Variants in TENM2 observed in about 807,000 individuals in gnomAD.
TENM2 encodes the protein teneurin transmembrane protein 2.
Under a neutral mutation model 245.2 loss-of-function variants are expected in TENM2, and 52 were observed. The ratio of observed to expected loss-of-function variants is 0.21; its 90% CI spans 0.17 to 0.27. The LOEUF (loss-of-function observed/expected upper bound fraction) is 0.27, where lower values mean the gene tolerates loss of function less well. Among genes scored for constraint, TENM2 ranks in the 10% least tolerant of loss-of-function variants. The pLI, the probability that TENM2 is intolerant of heterozygous loss-of-function variation, is 1.00. For missense variants in TENM2, 3,046 were observed against 3,666.8 expected (o/e 0.83, Z 4.37); for synonymous variants, 1,363 against 1,438.9 (o/e 0.95, Z 1.19).
At chr5:167,123,353 A>G in the TENM2 span, among the ~76,000 whole-genome samples, 1 of 152,072 alleles carries the variant, frequency 6.6e-6, no homozygotes, top group Non-Finnish European at 1.5e-5. Flanking sequence ...AAAAGAAAAC[A>G]ACAAAACCAC....
At chr5:167,810,524 T>C (rs1309969161) in intron 2 of TENM2, among the ~76,000 whole-genome samples, 1 of 151,930 alleles carries the variant, frequency 6.6e-6, no homozygotes, top group Non-Finnish European at 1.5e-5. Flanking sequence ...GTCATTTTCA[T>C]AGCTGTGAAG....
At chr5:167,287,481 C>T (rs1462505546) in intron 1 of TENM2, 1 of 152,202 alleles carries the variant, frequency 6.6e-6, no homozygotes, top group East Asian at 1.9e-4. Flanking sequence ...AAAACAAACA[C>T]ACTTCTCACA....
intron 2 of TENM2, among the ~76,000 whole-genome samples, chr5:167,572,793 A>G (rs973233804): frequency 1.3e-5 from 2 of 152,228 alleles, no homozygotes; most frequent in African/African-American, 4.8e-5. Context: ...AAAATGGTAC[A>G]GGAAGGGAGA....
rs141367987 is a variant in TENM2 at position 167,348,842 on chromosome 5, A to G, written c.227-26356A>G. ...CCTTCTTGGCATCGTCAGATTTCCT[A>G]TCTTCTTTCAGTTCGTGATCTCAGA... On this transcript the variant is annotated intron_variant, in intron 1 of 28. Coordinates refer to ENST00000518659, the Ensembl canonical transcript of TENM2. Among the ~76,000 whole-genome samples, 441 of 152,264 alleles carry G rather than the reference A, an allele frequency of 2.9e-3. 1 individual carries two copies. Among genetic ancestry groups the G allele is most frequent in the African/African-American group, 0.01 (426 of 41,548 alleles).
chr5:168,193,427 C>T (rs762396299), intron 14 of TENM2, among the ~76,000 whole-genome samples: 152 of 152,054 alleles, frequency 1.0e-3, no homozygotes, highest in Non-Finnish European at 1.8e-3. Context: ...CTAGATAATG[C>T]GATAATTGTT....
chr5:167,378,864 CTTTTT>C (rs35919553), intron 2 of TENM2, among the ~76,000 whole-genome samples: 1 of 136,212 alleles, frequency 7.3e-6, no homozygotes, highest in Non-Finnish European at 1.6e-5. Context: ...TAAAAATTTC[CTTTTT>C]TTTTTTTTTT....
In TENM2 at chr5:168,217,011, A is replaced by G; in HGVS notation, c.4233+89A>G. 4 of 1,426,470 alleles carry G rather than the reference A, an allele frequency of 2.8e-6. No individual in the cohort carries two copies. The South Asian group carries it at 3.6e-5, about 13-fold the overall frequency. The allele number at this position is 1,426,470 out of a possible 1,614,324, so 88.4% of individuals were successfully genotyped here. On this transcript the variant is annotated intron_variant, in intron 22 of 28. Transcript: ENST00000518659. The stretch of plus-strand genomic sequence containing the variant: ...TGTTTCCTGTTTGGTTTGGAAGTGG[A>G]ATGGGAGGGAGAGATACAGATACAG...
intron 2 of TENM2, among the ~76,000 whole-genome samples, chr5:167,855,442 G>A (rs760058969): frequency 2.6e-5 from 4 of 151,764 alleles, no homozygotes; most frequent in African/African-American, 7.3e-5. Flanking sequence ...ATATATGTTC[G>A]TATACATGTG....
intron 2 of TENM2, among the ~76,000 whole-genome samples, chr5:167,444,987 T>C (rs1463384395): frequency 6.6e-6 from 1 of 152,118 alleles, no homozygotes; most frequent in Admixed American, 6.6e-5. Context: ...AGTACAATAA[T>C]GTTACCTATT....
intron 13 of TENM2, among the ~76,000 whole-genome samples, chr5:168,174,457 G>A (rs934147647): frequency 3.9e-5 from 6 of 152,146 alleles, no homozygotes; most frequent in Non-Finnish European, 8.8e-5. Flanking sequence ...ACAACGGTTC[G>A]TATACATCTT....
chr5:167,916,304 T>C (rs7708105), intron 3 of TENM2, among the ~76,000 whole-genome samples: 56,635 of 151,982 alleles, frequency 0.37, 12,120 homozygotes, highest in African/African-American at 0.58. Flanking sequence ...GAAAGGCCCC[T>C]GGTGTCTCTG....
At chr5:168,126,193 G>A (rs920524698) in intron 11 of TENM2, among the ~76,000 whole-genome samples, 2 of 152,194 alleles carry the variant, frequency 1.3e-5, no homozygotes, top group Admixed American at 6.5e-5. Flanking sequence ...CTGGGTAACG[G>A]GGTATCTGCA....
At chr5:167,236,963 T>C in the TENM2 span, among the ~76,000 whole-genome samples, 1 of 151,874 alleles carries the variant, frequency 6.6e-6, no homozygotes, top group Non-Finnish European at 1.5e-5. Flanking sequence ...CCTAAGTAAA[T>C]GTTATCCAAG....
At chr5:167,507,351 C>A (rs960814137) in intron 2 of TENM2, among the ~76,000 whole-genome samples, 2 of 152,058 alleles carry the variant, frequency 1.3e-5, no homozygotes, top group African/African-American at 4.8e-5. Flanking sequence ...ATTTCTCGTT[C>A]TTGGATAGTG....
Position 167,872,550 on chromosome 5 carries a change from GAA to G in TENM2, c.503-3434_503-3433del, listed in dbSNP as rs1491163925. Among the ~76,000 whole-genome samples the G allele has an allele frequency of 6.7e-3, 281 of 42,190 alleles. 6 individuals are homozygous for G. The highest frequency in any genetic ancestry group is 0.016 in the African/African-American group (262 of 15,996). The allele number at this position is 42,190 out of a possible 152,430, so 27.7% of individuals were successfully genotyped here. On this transcript the variant is annotated intron_variant, in intron 2 of 28. Transcript: ENST00000518659. Reference sequence around the variant, plus strand: ...AAAGAAAGAAAGAAAGAAAGAAAGAGAAAGAAAGAAAGAAAGAAAGAAAGAAA... The same window carrying G: ...AAAGAAAGAAAGAAAGAAAGAAAGAGAGAAAGAAAGAAAGAAAGAAAGAAA...
chr5:168,165,226 G>A (rs921130535), intron 13 of TENM2: 2 of 151,860 alleles, frequency 1.3e-5, no homozygotes, highest in Non-Finnish European at 1.5e-5. Flanking sequence ...TTTTTAACAA[G>A]TTAAGGCATA....
chr5:168,190,345 G>A (rs572866162), exon 14 of TENM2: 1 of 1,613,340 alleles, frequency 6.2e-7, no homozygotes, highest in East Asian at 2.2e-5. Context: ...AGATGGCCTG[G>A]TGGATTGTTT....
chr5:168,030,548 G>A (rs889066), intron 5 of TENM2, among the ~76,000 whole-genome samples: 22,505 of 151,986 alleles, frequency 0.15, 1,801 homozygotes, highest in East Asian at 0.27. Flanking sequence ...AAGTTCTCAG[G>A]GGATGCTGAT....
chr5:168,202,039 T>C (rs1761981332), intron 17 of TENM2, among the ~76,000 whole-genome samples: 1 of 152,180 alleles, frequency 6.6e-6, no homozygotes, highest in Admixed American at 6.5e-5. Flanking sequence ...TGTCCTTCCA[T>C]CAAGAGGCAC....
Sources: gnomAD v4.1 joint callset for allele counts (sites outside exome capture counted in the v4.1 genomes callset) on GRCh38, gnomAD v4.1.1 for gene constraint, MANE v1.5 for transcripts, NCBI Gene and HGNC (gene_info 2026-07-23, HGNC 2026-07-21) for gene names.